ICE2: variants seen among roughly 807,000 people sequenced by gnomAD.
ICE2 encodes the protein interactor of little elongation complex ELL subunit 2.
A neutral mutation model predicts 105.4 loss-of-function variants in ICE2; 87 were observed. That is an observed-to-expected ratio of 0.83 (90% confidence interval 0.69 to 0.99). ICE2 has a LOEUF of 0.99. Among genes scored for constraint, ICE2 ranks in the 50% least tolerant of loss-of-function variants. ICE2 has a pLI of 0.00. For missense variants in ICE2, 1,323 were observed against 1,146.7 expected (o/e 1.15, Z -2.22); for synonymous variants, 399 against 392.0 (o/e 1.02, Z -0.21).
At chr15:60,458,867 G>A (rs1456704607) in intron 5 of ICE2, among the ~76,000 whole-genome samples, 1 of 152,064 alleles carries the variant, frequency 6.6e-6, no homozygotes, top group East Asian at 1.9e-4. Context: ...CAAAAAGACA[G>A]ATACTGTATG....
chr15:60,449,953 A>G, intron 9 of ICE2, 112 bp from the exon 10 acceptor site: 2 of 787,174 alleles, frequency 2.5e-6, no homozygotes, highest in South Asian at 3.6e-5. Context: ...AGTAGAAAGA[A>G]AAGTCTAATG....
chr15:60,478,666 C>G (rs1281652024), intron 1 of ICE2: 1 of 332,936 alleles, frequency 3.0e-6, no homozygotes, highest in African/African-American at 2.2e-5. Context: ...AGAACCTAAT[C>G]AAATTTAGGA....
In ICE2 at chr15:60,466,706, T is replaced by C. The variant is rs141469235; in HGVS notation, c.416A>G (p.Lys139Arg). 6,149 of 1,599,936 alleles carry C rather than the reference T, an allele frequency of 3.8e-3. 45 individuals carry two copies. Among genetic ancestry groups the C allele is most frequent in the Middle Eastern group, 0.037 (225 of 6,004 alleles). ...AGTAACTTCTTCGTTCACATGTTTT[T>C]TCATATCCTGATTTTTAAAAAAGTA... Reference protein sequence around the residue: ...KNDYLQYLDMKKHVNEEVTEF... With the variant: ...KNDYLQYLDMRKHVNEEVTEF... Residue 139 changes from lysine (K) to arginine (R), a missense_variant, in exon 5 of 16, where the codon AAA becomes AGA. Lys to Arg is a conservative substitution (Grantham distance 26). Coordinates refer to ENST00000261520, the MANE Select transcript of ICE2 (RefSeq NM_024611.6).
chr15:60,428,965 A>C (rs2140993123), intron 14 of ICE2, among the ~76,000 whole-genome samples: 1 of 152,366 alleles, frequency 6.6e-6, no homozygotes, highest in South Asian at 2.1e-4. Context: ...GGAAACAAAC[A>C]GTGTGCCTAA....
In ICE2 at chr15:60,448,928, G is replaced by C. The variant is rs1226393943; in HGVS notation, c.2039C>G (p.Ser680Cys). The C allele has an allele frequency of 6.2e-7, 1 of 1,613,872 alleles. No homozygotes were observed. The highest frequency in any genetic ancestry group is 8.5e-7 in the Non-Finnish European group (1 of 1,179,830). Residue 680 changes from serine to cysteine, a missense_variant, in exon 10 of 16, where the codon TCT (serine) becomes TGT (cysteine). Transcript: ENST00000261520. ...NLENSKQPSV[S>C]EQLSGPSDSS... Reference sequence around the variant, plus strand: ...GTCTGAAGGACCAGACAATTGCTCAGAAACAGAAGGCTGTTTAGAATTTTC... The same window carrying C: ...GTCTGAAGGACCAGACAATTGCTCACAAACAGAAGGCTGTTTAGAATTTTC...
intron 3 of ICE2, among the ~76,000 whole-genome samples, chr15:60,472,779 G>T (rs1045025493): frequency 2.0e-5 from 3 of 152,086 alleles, no homozygotes; most frequent in African/African-American, 7.2e-5. Context: ...CCTGAGCCCA[G>T]GAATTTGAGT....
At position 60,456,676 on chromosome 15, in the gene ICE2, T is replaced by G; in HGVS notation, c.647A>C (p.Glu216Ala). ...PFRVEMGLKL[E>A]KTLLALGSVK... ...CCTTACCAATGCGAGAAGAGTTTTT[T>G]CTAACTTTAATCCCATCTCTACTCT... Residue 216 changes from glutamate to alanine, a missense_variant, in exon 6 of 16, where the codon GAA (glutamate) becomes GCA (alanine). Coordinates refer to ENST00000261520, the MANE Select transcript of ICE2 (RefSeq NM_024611.6). 7 of 1,591,094 alleles carry G rather than the reference T, an allele frequency of 4.4e-6. No homozygotes were observed. Among genetic ancestry groups the G allele is most frequent in the Non-Finnish European group, 6.0e-6 (7 of 1,171,160 alleles).
chr15:60,470,520 A>C lies in ICE2; in HGVS notation c.147-2198T>G, dbSNP rs74020707. On this transcript the variant is annotated intron_variant, in intron 3 of 15. Coordinates refer to ENST00000261520, the MANE Select transcript of ICE2 (RefSeq NM_024611.6). ...CCTGCAATATGCAGTACTATCCTGC[A>C]TATTTTAACAGTCCCCTTCAGGCTT... Among the ~76,000 whole-genome samples the C allele has an allele frequency of 6.6e-5, 10 of 152,292 alleles. No homozygotes were observed. The East Asian group carries it at 1.9e-3, about 29-fold the overall frequency.
intron 13 of ICE2, among the ~76,000 whole-genome samples, chr15:60,432,866 T>C (rs986690935): frequency 2.0e-5 from 3 of 152,054 alleles, no homozygotes; most frequent in Non-Finnish European, 4.4e-5. Flanking sequence ...CACTCCGGCC[T>C]GGGCAACAGA....
In ICE2 at chr15:60,455,580, T is replaced by C. The variant is rs574769256; in HGVS notation, c.667-138A>G. ...GTAAACATCAGATTTAGAAACTTTA[T>C]GCCAAGATATTCATGTTTTTGCTTA... On this transcript the variant is annotated intron_variant, in intron 6 of 15. Transcript: ENST00000261520. The C allele has an allele frequency of 1.1e-4, 71 of 622,324 alleles. No homozygotes were observed. The Middle Eastern group carries it at 2.2e-3, about 19-fold the overall frequency. 38.6% of individuals were successfully genotyped at this position (622,324 alleles called of 1,614,324 possible).
chr15:60,476,353 T>C (rs774214697), intron 2 of ICE2, among the ~76,000 whole-genome samples, 186 bp from the exon 3 acceptor site: 1 of 152,228 alleles, frequency 6.6e-6, no homozygotes, highest in Non-Finnish European at 1.5e-5. Flanking sequence ...ACTTCTTGGA[T>C]AGCTTTAAAC....
intron 15 of ICE2, 114 bp downstream of exon 15, chr15:60,428,315 A>C: frequency 1.7e-6 from 2 of 1,149,368 alleles, no homozygotes; most frequent in Non-Finnish European, 2.5e-6. Flanking sequence ...AGCTTTTAGA[A>C]TGGTGCTGTG....
chr15:60,426,920 G>C (rs1353528159), intron 15 of ICE2, among the ~76,000 whole-genome samples: 1 of 152,122 alleles, frequency 6.6e-6, no homozygotes, highest in Admixed American at 6.5e-5. Context: ...TTTTCCTTAG[G>C]TTATAAAAGT....
rs778188765 is a variant in ICE2 at position 60,448,899 on chromosome 15, A to C, written c.2068T>G (p.Ser690Ala). 6.2e-7 allele frequency: 1 copy of C among 1,611,410 alleles called. No individual in the cohort carries two copies. The highest frequency in any genetic ancestry group is 8.5e-7 in the Non-Finnish European group (1 of 1,179,250). ...SEQLSGPSDS[S>A]SWPKSGWPSA... ...GGCCATCCAGATTTCGGCCAACTAGAGGAGTCTGAAGGACCAGACAATTGC... is the reference window on the plus strand; with the variant it reads ...GGCCATCCAGATTTCGGCCAACTAGCGGAGTCTGAAGGACCAGACAATTGC... Residue 690 changes from serine (S) to alanine (A), a missense_variant, in exon 10 of 16, where the codon TCT becomes GCT. Ser to Ala is a moderately conservative substitution (Grantham distance 99, BLOSUM62 1). Coordinates refer to ENST00000261520, the MANE Select transcript of ICE2 (RefSeq NM_024611.6).
At chr15:60,441,427 G>C (rs2063717664) in intron 12 of ICE2, 1 of 152,106 alleles carries the variant, frequency 6.6e-6, no homozygotes, top group Non-Finnish European at 1.5e-5. Flanking sequence ...ACCCTCATAG[G>C]ATTTATTACA....
chr15:60,468,135 A>T lies in ICE2; in HGVS notation c.334T>A (p.Leu112Met), dbSNP rs773604783. ...GCAGGAATCTTTGCGTATTTAACCA[A>T]CAAGTCCACATAACTCCTCTGCTCT... ...QREQRSYVDL[L>M]VKYAKIPANS... The change falls in exon 4 of 16, where the codon TTG (leucine) becomes ATG (methionine). Residue 112 changes from leucine (L) to methionine (M), a missense_variant. Leu to Met is a conservative substitution (Grantham distance 15). Coordinates refer to ENST00000261520, the MANE Select transcript of ICE2 (RefSeq NM_024611.6). 1.2e-6 allele frequency: 2 copies of T among 1,614,056 alleles called. No individual in the cohort carries two copies. The highest frequency in any genetic ancestry group is 2.2e-5 in the South Asian group (2 of 91,056).
At chr15:60,459,168 C>G (rs1200500361) in intron 5 of ICE2, among the ~76,000 whole-genome samples, 2 of 152,266 alleles carry the variant, frequency 1.3e-5, no homozygotes, top group East Asian at 3.9e-4. Context: ...GTTGAGAATT[C>G]TCCAGAACTA....
At chr15:60,452,161 G>A in intron 9 of ICE2, 1 of 973,986 alleles carries the variant, frequency 1.0e-6, no homozygotes, top group Non-Finnish European at 1.2e-6. Context: ...AGTAAAATGT[G>A]TAAGAAGAAA....
intron 2 of ICE2, among the ~76,000 whole-genome samples, chr15:60,476,871 G>C (rs2064776849): frequency 6.6e-6 from 1 of 152,198 alleles, no homozygotes; most frequent in African/African-American, 2.4e-5. Context: ...ATAATTCCAA[G>C]GGCTACAATA....
Sources: gnomAD v4.1 joint callset for allele counts (sites outside exome capture counted in the v4.1 genomes callset) on GRCh38, gnomAD v4.1.1 for gene constraint, MANE v1.5 for transcripts, NCBI Gene and HGNC (gene_info 2026-07-23, HGNC 2026-07-21) for gene names.